The following WIPF1 variants were observed in gnomAD, a reference collection of about 807,000 sequenced individuals.
WIPF1 encodes WAS/WASL interacting protein family member 1.
WIPF1 carries 13 observed loss-of-function variants against 35.4 expected under a neutral mutation model. The ratio of observed to expected loss-of-function variants is 0.37; its 90% CI spans 0.24 to 0.58. The LOEUF is 0.58. Among genes scored for constraint, WIPF1 ranks in the 20% least tolerant of loss-of-function variants. WIPF1 has a pLI of 0.74. For missense variants in WIPF1, 591 were observed against 667.0 expected (o/e 0.89, Z 1.25); for synonymous variants, 267 against 266.3 (o/e 1.00, Z -0.02).
intron 1 of WIPF1, among the ~76,000 whole-genome samples, chr2:174,647,618 C>G (rs1312335698): frequency 6.9e-6 from 1 of 145,552 alleles, no homozygotes; most frequent in African/African-American, 2.6e-5. Context: ...GTGATCCGTG[C>G]CCCCTTGGCC....
intron 1 of WIPF1, among the ~76,000 whole-genome samples, chr2:174,592,887 T>C (rs991219514): frequency 6.6e-6 from 1 of 152,234 alleles, no homozygotes; most frequent in Admixed American, 6.5e-5. Flanking sequence ...ATAATAGGCA[T>C]GAGCCACCAT....
At chr2:174,649,011 T>C (rs1193861751) in intron 1 of WIPF1, among the ~76,000 whole-genome samples, 1 of 152,190 alleles carries the variant, frequency 6.6e-6, no homozygotes, top group Non-Finnish European at 1.5e-5. Flanking sequence ...CTTTTAATGC[T>C]TGAGGGAGAA....
chr2:174,650,964 A>G lies in WIPF1; in HGVS notation c.-39+31810T>C, dbSNP rs144991605. 5.8e-3 allele frequency among the ~76,000 whole-genome samples: 886 copies of G among 152,342 alleles called. 10 individuals carry two copies. Among genetic ancestry groups the G allele is most frequent in the African/African-American group, 0.021 (853 of 41,570 alleles). ...TTGCCATCCCTAATCTAGGAACACAACTTTTGATTCACAGGGAATTGGCTT... is the reference window on the plus strand; with the variant it reads ...TTGCCATCCCTAATCTAGGAACACAGCTTTTGATTCACAGGGAATTGGCTT... On this transcript the variant is annotated intron_variant, in intron 1 of 8. Transcript: ENST00000272746.
At chr2:174,582,110 C>A (rs1391905733) in intron 2 of WIPF1, among the ~76,000 whole-genome samples, 2 of 152,264 alleles carry the variant, frequency 1.3e-5, no homozygotes, top group East Asian at 3.9e-4. Flanking sequence ...TTCATTACTT[C>A]AAAAGTTCCC....
At chr2:174,646,928 C>T (rs1687422631) in intron 1 of WIPF1, among the ~76,000 whole-genome samples, 1 of 152,130 alleles carries the variant, frequency 6.6e-6, no homozygotes, top group South Asian at 2.1e-4. Flanking sequence ...AACTTTATTT[C>T]TGAGGGTGTT....
At chr2:174,661,033 CCCTGCATTGCACTGCAGT>C (rs1687747715) in intron 1 of WIPF1, among the ~76,000 whole-genome samples, 1 of 152,226 alleles carries the variant, frequency 6.6e-6, no homozygotes, top group Non-Finnish European at 1.5e-5. Context: ...TCAATATCTT[CCCTGCATTGCACTGCAGT>C]CCGGCTCACA....
At position 174,562,169 on chromosome 2, in the gene WIPF1, G is replaced by T; in HGVS notation, c.*378C>A. On this transcript the variant is annotated 3_prime_UTR_variant, in exon 8 of 8. Transcript: ENST00000679041. ...GAGAGGAGGCCAAGCATGCGAAAAA[G>T]GAACGGGAGAAAACAGCTCTCAGGG... 1 of 1,550,486 alleles carries T rather than the reference G, an allele frequency of 6.4e-7. No homozygotes were observed. Among genetic ancestry groups the T allele is most frequent in the Non-Finnish European group, 8.7e-7 (1 of 1,146,978 alleles).
In WIPF1 at chr2:174,593,840, G is replaced by A. The variant is rs112799206; in HGVS notation, c.-39+3761C>T. On this transcript the variant is annotated intron_variant, in intron 1 of 7. Coordinates refer to ENST00000679041, the MANE Select transcript of WIPF1 (RefSeq NM_001375834.1). The stretch of plus-strand genomic sequence containing the variant: ...TTTCAATACCTTTGCAGAAAGGTTC[G>A]TTTCTATTATTGCTACTCTTCCTCT... Among the ~76,000 whole-genome samples, 148 of 152,256 alleles carry A rather than the reference G, an allele frequency of 9.7e-4. 1 individual carries two copies. Among genetic ancestry groups the A allele is most frequent in the African/African-American group, 2.6e-3 (109 of 41,542 alleles).
In WIPF1 at chr2:174,559,842, A is replaced by G. The variant is rs1216894473; in HGVS notation, c.*2705T>C. On this transcript the variant is annotated 3_prime_UTR_variant, in exon 8 of 8. Coordinates refer to ENST00000679041, the MANE Select transcript of WIPF1 (RefSeq NM_001375834.1). ...AACAAAACTGGTATTACACTTTAAA[A>G]TATAAAGACCTAACAGTTTTTACAA... 6.6e-6 allele frequency: 1 copy of G among 152,648 alleles called. No homozygotes were observed. The highest frequency in any genetic ancestry group is 2.4e-5 in the African/African-American group (1 of 41,474). The allele number at this position is 152,648 out of a possible 1,614,324, so 9.5% of individuals were successfully genotyped here.
intron 5 of WIPF1, chr2:174,568,617 G>C (rs1229671785): frequency 1.3e-5 from 2 of 152,692 alleles, no homozygotes; most frequent in Non-Finnish European, 2.9e-5. Flanking sequence ...CAGTCATCCT[G>C]AGAGCAGTAA....
At chr2:174,637,498 G>C (rs1160530716) in intron 1 of WIPF1, among the ~76,000 whole-genome samples, 1 of 152,170 alleles carries the variant, frequency 6.6e-6, no homozygotes, top group Non-Finnish European at 1.5e-5. Context: ...TCTACCAGCT[G>C]CAAAACACCA....
In WIPF1 at chr2:174,585,544, CG is replaced by C; in HGVS notation, c.29del (p.Pro10ArgfsTer16). The C allele has an allele frequency of 3.2e-6, 1 of 313,318 alleles. No individual in the cohort carries two copies. The highest frequency in any genetic ancestry group is 5.2e-6 in the Non-Finnish European group (1 of 192,894). 19.4% of individuals were successfully genotyped at this position (313,318 alleles called of 1,614,324 possible). A position where few individuals can be genotyped will look rare whatever the true frequency, so the allele number is the denominator to read the frequency against. ...TCACCAGTGCAAACGTCGGGGGCGGCGGGGGTGCTGGAGGGGGAGGGACAGG... is the reference window on the plus strand; with the variant it reads ...TCACCAGTGCAAACGTCGGGGGCGGCGGGGTGCTGGAGGGGGAGGGACAGG... MPVPPPPAP[P>X]PPPTFALANT... On this transcript the variant is annotated frameshift_variant, in exon 2 of 8. Transcript: ENST00000679041. LOFTEE classifies it high-confidence loss of function.
At chr2:174,674,706 T>G (rs1287391713) in intron 1 of WIPF1, among the ~76,000 whole-genome samples, 1 of 152,016 alleles carries the variant, frequency 6.6e-6, no homozygotes, top group East Asian at 1.9e-4. Context: ...TAAAGAAAAC[T>G]TGAAACAAAA....
intron 7 of WIPF1, among the ~76,000 whole-genome samples, chr2:174,565,621 T>G (rs1684634422): frequency 6.6e-6 from 1 of 152,214 alleles, no homozygotes; most frequent in African/African-American, 2.4e-5. Context: ...ATTAATCTCC[T>G]ATAAGGTTTG....
At position 174,657,840 on chromosome 2, in the gene WIPF1, G is replaced by A. The variant is rs113254519; in HGVS notation, c.-39+24934C>T. Among the ~76,000 whole-genome samples, 1,170 of 150,060 alleles carry A rather than the reference G, an allele frequency of 7.8e-3. 26 individuals are homozygous for A. Among genetic ancestry groups the A allele is most frequent in the African/African-American group, 0.027 (1,120 of 40,904 alleles). ...CAGGAGAATTGCTTGAACCTGGGAGGTAGAGGTTGCGGTGAGCCAAGATTG... is the reference window on the plus strand; with the variant it reads ...CAGGAGAATTGCTTGAACCTGGGAGATAGAGGTTGCGGTGAGCCAAGATTG... On this transcript the variant is annotated intron_variant, in intron 1 of 8. Transcript: ENST00000272746.
chr2:174,641,137 A>C (rs960462823), intron 1 of WIPF1, among the ~76,000 whole-genome samples: 6 of 152,246 alleles, frequency 3.9e-5, no homozygotes, highest in Non-Finnish European at 8.8e-5. Flanking sequence ...CCAAGAACAC[A>C]TACTGGGTAA....
rs185895938 is a variant in WIPF1, at chr2:174,590,932, G to A, written c.-38-5321C>T. Among the ~76,000 whole-genome samples the A allele has an allele frequency of 3.9e-4, 59 of 152,214 alleles. No individual in the cohort carries two copies. Among genetic ancestry groups the A allele is most frequent in the Non-Finnish European group, 6.9e-4 (47 of 68,024 alleles). On this transcript the variant is annotated intron_variant, in intron 1 of 7. Coordinates refer to ENST00000679041, the MANE Select transcript of WIPF1 (RefSeq NM_001375834.1). The surrounding 1 kb of genome is among the most constrained non-coding windows in gnomAD (Gnocchi z 4.6). ...CTTTTGTTTTCACATACAGTATTACGGTCTGAACTATGTCCCCTGCAAAAG... is the reference window on the plus strand; with the variant it reads ...CTTTTGTTTTCACATACAGTATTACAGTCTGAACTATGTCCCCTGCAAAAG...
intron 5 of WIPF1, among the ~76,000 whole-genome samples, chr2:174,569,889 A>G (rs1213795623): frequency 2.0e-5 from 3 of 152,196 alleles, no homozygotes; most frequent in East Asian, 3.8e-4. Flanking sequence ...CAGAATACAC[A>G]GGGCCTTTGA....
intron 1 of WIPF1, among the ~76,000 whole-genome samples, chr2:174,597,120 G>A (rs1685844873): frequency 6.6e-6 from 1 of 152,222 alleles, no homozygotes; most frequent in Non-Finnish European, 1.5e-5. Context: ...TTTAGTTTGA[G>A]TTTTGAACTT....
Sources: gnomAD v4.1 joint callset for allele counts (sites outside exome capture counted in the v4.1 genomes callset) on GRCh38, gnomAD v4.1.1 for gene constraint, Gnocchi (gnomAD v3.1) non-coding constraint, MANE v1.5 for transcripts, NCBI Gene and HGNC (gene_info 2026-07-23, HGNC 2026-07-21) for gene names.